The following CACNA1D variants were observed in gnomAD, a reference collection of about 807,000 sequenced individuals.
CACNA1D encodes calcium voltage-gated channel subunit alpha1 D, also known as voltage-dependent L-type calcium channel subunit alpha-1D.
A neutral mutation model predicts 257.1 loss-of-function variants in CACNA1D; 55 were observed. The ratio of observed to expected loss-of-function variants is 0.21; its 90% CI spans 0.17 to 0.27. The LOEUF is 0.27. CACNA1D is among the 10% of genes least tolerant of loss of function. The probability of loss-of-function intolerance (pLI) is 1.00; values close to 1 mark genes in which losing one functional copy is unlikely to be tolerated. For synonymous variants in CACNA1D, 980 were observed against 1,014.9 expected (o/e 0.97, Z 0.65); for missense variants, 1,876 against 2,784.0 (o/e 0.67, Z 7.34).
chr3:53,546,592 A>G (rs1044442359), intron 3 of CACNA1D, among the ~76,000 whole-genome samples: 2 of 152,168 alleles, frequency 1.3e-5, no homozygotes, highest in Admixed American at 6.5e-5. Context: ...ATCCTGCTGC[A>G]TTTATAATTG....
Position 53,723,993 on chromosome 3 carries a change from G to C in CACNA1D, c.2094G>C (p.Val698=), listed in dbSNP as rs1046464845. Reference sequence around the variant, plus strand: ...ATTTCCCTCAAGCACTTCTCACAGTGTTCCAGGTGAGTCCTCCCTCCATTC... The same window carrying C: ...ATTTCCCTCAAGCACTTCTCACAGTCTTCCAGGTGAGTCCTCCCTCCATTC... ...FDNFPQALLT[V]FQILTGEDWN... Residue 698 remains valine, a synonymous_variant, in exon 14 of 48, where the codon GTG becomes GTC. Transcript: ENST00000350061. This position sits in a 1 kb window ranked among gnomAD's most constrained non-coding sequence, Gnocchi z 5.6. 6.2e-7 allele frequency: 1 copy of C among 1,613,762 alleles called. No homozygotes were observed.
chr3:53,515,135 A>G lies in CACNA1D; in HGVS notation c.483+13415A>G, dbSNP rs552110054. Among the ~76,000 whole-genome samples the G allele has an allele frequency of 3.3e-5, 5 of 152,272 alleles. No homozygotes were observed. In the South Asian group the frequency reaches 1.0e-3, roughly 32 times the overall value. On this transcript the variant is annotated intron_variant, in intron 3 of 47. Coordinates refer to ENST00000350061, the MANE Select transcript of CACNA1D (RefSeq NM_001128840.3). ...CTAGAAGACTGAAGCCTGCCTCTAC[A>G]TGGTGGTCCGGGGTAAAAAGTTCAA...
intron 3 of CACNA1D, among the ~76,000 whole-genome samples, chr3:53,512,567 C>T (rs1374642533): frequency 1.3e-5 from 2 of 152,156 alleles, no homozygotes; most frequent in South Asian, 4.1e-4. Flanking sequence ...ATGACCTGCC[C>T]TGGGTTACAC....
At position 53,653,346 on chromosome 3, in the gene CACNA1D, T is replaced by C. The variant is rs180693994; in HGVS notation, c.623+2428T>C. Among the ~76,000 whole-genome samples, 12 of 151,846 alleles carry C rather than the reference T, an allele frequency of 7.9e-5. No individual in the cohort carries two copies. The East Asian group carries it at 2.3e-3, about 29-fold the overall frequency. On this transcript the variant is annotated intron_variant, in intron 4 of 47. Coordinates refer to ENST00000350061, the MANE Select transcript of CACNA1D (RefSeq NM_001128840.3). The stretch of plus-strand genomic sequence containing the variant: ...GACAACAAAATCCAGACACTGAACA[T>C]ATGAAGAAATGTGACCCATAACCAG...
At chr3:53,523,726 G>A (rs2091663328) in intron 3 of CACNA1D, among the ~76,000 whole-genome samples, 2 of 152,176 alleles carry the variant, frequency 1.3e-5, no homozygotes, top group Admixed American at 1.3e-4. Context: ...ATAATTAGAA[G>A]GTATTAAGAA....
At position 53,774,745 on chromosome 3, in the gene CACNA1D, C is replaced by T. The variant is rs180799189; in HGVS notation, c.4202+67C>T. 1.4e-4 allele frequency: 119 copies of T among 877,818 alleles called. 1 individual carries two copies. The highest frequency in any genetic ancestry group is 1.2e-3 in the African/African-American group (72 of 60,794). 54.4% of individuals were successfully genotyped at this position (877,818 alleles called of 1,614,324 possible). On this transcript the variant is annotated intron_variant, in intron 34 of 47. Coordinates refer to ENST00000350061, the MANE Select transcript of CACNA1D (RefSeq NM_001128840.3). This position sits in a 1 kb window ranked among gnomAD's most constrained non-coding sequence, Gnocchi z 4.3. ...TCCGCTAGGCGTGGGTCCAGAGGGACGGAGGACACAGGTTATTAAAGCAGT... is the reference window on the plus strand; with the variant it reads ...TCCGCTAGGCGTGGGTCCAGAGGGATGGAGGACACAGGTTATTAAAGCAGT...
chr3:53,720,704 C>T (rs996109108), intron 11 of CACNA1D, among the ~76,000 whole-genome samples: 1 of 152,312 alleles, frequency 6.6e-6, no homozygotes, highest in Non-Finnish European at 1.5e-5. Context: ...GATACCACTA[C>T]ACATCTATTA....
intron 3 of CACNA1D, among the ~76,000 whole-genome samples, chr3:53,647,638 A>G (rs1193865328): frequency 1.3e-5 from 2 of 152,230 alleles, no homozygotes; most frequent in African/African-American, 2.4e-5. Context: ...TCTCAAATGA[A>G]CAATCCTTTT....
At chr3:53,667,253 A>G (rs1290082506) in intron 7 of CACNA1D, among the ~76,000 whole-genome samples, 2 of 152,234 alleles carry the variant, frequency 1.3e-5, no homozygotes, top group African/African-American at 4.8e-5. Flanking sequence ...CTTGTTCCTG[A>G]TAGAGCCAGA....
chr3:53,562,159 T>G (rs537790517), intron 3 of CACNA1D, among the ~76,000 whole-genome samples: 5 of 152,204 alleles, frequency 3.3e-5, no homozygotes, highest in Non-Finnish European at 5.9e-5. Context: ...CTCTTGAGAG[T>G]ATTTAGAAAT....
intron 3 of CACNA1D, among the ~76,000 whole-genome samples, chr3:53,581,000 G>A (rs1167998341): frequency 6.6e-6 from 1 of 152,198 alleles, no homozygotes; most frequent in African/African-American, 2.4e-5. Context: ...TCCAGGTTTG[G>A]CCACCTAAGC....
intron 30 of CACNA1D, among the ~76,000 whole-genome samples, chr3:53,769,448 G>T (rs1008741163): frequency 6.6e-6 from 1 of 152,226 alleles, no homozygotes; most frequent in Non-Finnish European, 1.5e-5. Flanking sequence ...CTTTTCAGCA[G>T]CCCTGCCTAA....
intron 15 of CACNA1D, among the ~76,000 whole-genome samples, chr3:53,727,353 CATT>C (rs1194689853): frequency 6.6e-6 from 1 of 152,188 alleles, no homozygotes; most frequent in Non-Finnish European, 1.5e-5. Flanking sequence ...TTTATGTTAT[CATT>C]ATTGGGAGCT....
At position 53,772,960 on chromosome 3, in the gene CACNA1D, A is replaced by C. The variant is rs138923844; in HGVS notation, c.4110+62A>C. 5.4e-5 allele frequency: 72 copies of C among 1,329,528 alleles called. No individual in the cohort carries two copies. The African/African-American group carries it at 9.2e-4, about 17-fold the overall frequency. 82.4% of individuals were successfully genotyped at this position (1,329,528 alleles called of 1,614,324 possible). On this transcript the variant is annotated intron_variant, in intron 33 of 47. Coordinates refer to ENST00000350061, the MANE Select transcript of CACNA1D (RefSeq NM_001128840.3). The stretch of plus-strand genomic sequence containing the variant: ...ACTGGGTAGCCCCAAATCTGTGGCA[A>C]GATGTACCCTGACCAAGTGAAGTAG...
At chr3:53,638,081 G>A (rs1317143601) in intron 3 of CACNA1D, among the ~76,000 whole-genome samples, 4 of 152,206 alleles carry the variant, frequency 2.6e-5, no homozygotes, top group Non-Finnish European at 5.9e-5. Flanking sequence ...GGAGACGTTC[G>A]TATGAAAGAG....
chr3:53,733,320 C>T lies in CACNA1D; in HGVS notation c.2621+358C>T, dbSNP rs949264917. Among the ~76,000 whole-genome samples, 9 of 152,316 alleles carry T rather than the reference C, an allele frequency of 5.9e-5. No homozygotes were observed. The South Asian group carries it at 6.2e-4, about 11-fold the overall frequency. ...CTCACTGCTCTGGTGTTCCATGCTT[C>T]GGCCAGCCGTGGAAATTTTTCCTAA... On this transcript the variant is annotated intron_variant, in intron 19 of 47. Coordinates refer to ENST00000350061, the MANE Select transcript of CACNA1D (RefSeq NM_001128840.3).
chr3:53,564,148 T>C (rs746033430), intron 3 of CACNA1D, among the ~76,000 whole-genome samples: 6 of 152,146 alleles, frequency 3.9e-5, no homozygotes, highest in Non-Finnish European at 7.4e-5. Flanking sequence ...TTGAGTCTTA[T>C]GTCCATTTTT....
chr3:53,579,879 C>T (rs562311668), intron 3 of CACNA1D, among the ~76,000 whole-genome samples: 3 of 152,198 alleles, frequency 2.0e-5, no homozygotes, highest in South Asian at 4.1e-4. Context: ...ATGCAGGCCC[C>T]GGATGCTGTG....
At chr3:53,509,421 G>A (rs1448270670) in intron 3 of CACNA1D, among the ~76,000 whole-genome samples, 3 of 152,190 alleles carry the variant, frequency 2.0e-5, no homozygotes, top group Admixed American at 2.0e-4. Flanking sequence ...ATTAAGCAGG[G>A]CCCCAGACAC....
Sources: gnomAD v4.1 joint callset for allele counts (sites outside exome capture counted in the v4.1 genomes callset) on GRCh38, gnomAD v4.1.1 for gene constraint, Gnocchi (gnomAD v3.1) non-coding constraint, MANE v1.5 for transcripts, NCBI Gene and HGNC (gene_info 2026-07-23, HGNC 2026-07-21) for gene names.